Variants in UGT2A1 observed in about 807,000 individuals in gnomAD.
UGT2A1 encodes the protein UDP-glucuronosyltransferase 2A1.
UGT2A1 carries 61 observed loss-of-function variants against 45.4 expected under a neutral mutation model. The ratio of observed to expected loss-of-function variants is 1.34; its 90% confidence interval spans 1.09 to 1.66. The LOEUF is 1.66. Ranked by LOEUF, UGT2A1 falls within the 40% of genes most tolerant of loss-of-function variation. UGT2A1 has a pLI of 0.00. For missense variants in UGT2A1, 649 were observed against 574.3 expected (o/e 1.13, Z -1.33); for synonymous variants, 229 against 196.2 (o/e 1.17, Z -1.40).
chr4:69,641,033 G>C (rs1722024147), intron 2 of UGT2A1, among the ~76,000 whole-genome samples: 1 of 151,798 alleles, frequency 6.6e-6, no homozygotes, highest in Non-Finnish European at 1.5e-5. Flanking sequence ...ACTTAGATTT[G>C]TTCAAATATT....
At chr4:69,634,701 G>T (rs764949301) in intron 3 of UGT2A1, among the ~76,000 whole-genome samples, 3 of 152,038 alleles carry the variant, frequency 2.0e-5, no homozygotes, top group Non-Finnish European at 4.4e-5. Context: ...AAAAACATTT[G>T]ATAAAATTCA....
At chr4:69,597,805 G>A (rs1719026403) in intron 4 of UGT2A1, among the ~76,000 whole-genome samples, 1 of 151,818 alleles carries the variant, frequency 6.6e-6, no homozygotes, top group Admixed American at 6.6e-5. Flanking sequence ...ACAGTCTCTT[G>A]TTGTTTTTGT....
intron 3 of UGT2A1, among the ~76,000 whole-genome samples, chr4:69,633,983 C>T (rs750036957): frequency 1.3e-5 from 2 of 152,106 alleles, no homozygotes; most frequent in Admixed American, 6.6e-5. Context: ...CGGTGGCTCA[C>T]GCCTGTAATC....
At position 69,594,657 on chromosome 4, in the gene UGT2A1, G is replaced by T. The variant is rs753479122; in HGVS notation, c.1124C>A (p.Thr375Asn). ...KTKAFITHGG[T>N]NGIYEAIYHG... is the part of the protein sequence containing the mutation. ...GTAAATAGCTTCGTAGATCCCATTA[G>T]TTCCACCATGAGTGATAAAAGCTTT... Residue 375 changes from threonine (T) to asparagine (N), a missense_variant, in exon 6 of 7, where the codon ACT becomes AAT. Transcript: ENST00000286604. 6.2e-7 allele frequency: 1 copy of T among 1,614,074 alleles called. No individual in the cohort carries two copies. The highest frequency in any genetic ancestry group is 1.1e-5 in the South Asian group (1 of 91,078).
Position 69,647,206 on chromosome 4 carries a change from G to A in UGT2A1, c.439C>T (p.Leu147=), listed in dbSNP as rs757228061. 59 of 1,613,142 alleles carry A rather than the reference G, an allele frequency of 3.7e-5. No individual in the cohort carries two copies. Among genetic ancestry groups the A allele is most frequent in the Non-Finnish European group, 4.7e-5 (56 of 1,179,452 alleles). Reference sequence around the variant, plus strand: ...CAAGGAAATACTGGATCAGACACCAGGACTTCAAACTTGCTTTTCTTTAGC... The same window carrying A: ...CAAGGAAATACTGGATCAGACACCAAGACTTCAAACTTGCTTTTCTTTAGC... ...AKLKKSKFEV[L]VSDPVFPCGD... The change falls in exon 2 of 7, where the codon CTG becomes TTG. Residue 147 remains leucine (L), a synonymous_variant. Coordinates refer to ENST00000286604, the MANE Select transcript of UGT2A1 (RefSeq NM_001252275.3).
intron 3 of UGT2A1, among the ~76,000 whole-genome samples, chr4:69,632,885 CAAA>C (rs199639033): frequency 1.3e-4 from 11 of 87,524 alleles, no homozygotes; most frequent in Admixed American, 1.2e-4. Context: ...AAGACTCGGT[CAAA>C]AAAAAAAAAA....
intron 3 of UGT2A1, among the ~76,000 whole-genome samples, chr4:69,611,498 T>C (rs1488553550): frequency 6.6e-6 from 1 of 151,954 alleles, no homozygotes; most frequent in East Asian, 1.9e-4. Context: ...TCATAATATA[T>C]TATGAAATAC....
At chr4:69,623,166 T>C (rs1720848680) in intron 3 of UGT2A1, among the ~76,000 whole-genome samples, 1 of 151,838 alleles carries the variant, frequency 6.6e-6, no homozygotes, top group Non-Finnish European at 1.5e-5. Flanking sequence ...GTCCATCCTC[T>C]TCCATCTGTT....
intron 3 of UGT2A1, among the ~76,000 whole-genome samples, chr4:69,627,100 A>G (rs1398056221): frequency 1.8e-4 from 27 of 151,912 alleles, no homozygotes; most frequent in Non-Finnish European, 3.1e-4. Context: ...TTCAATGGAC[A>G]AAGAGAGAAA....
chr4:69,621,591 G>A (rs1416828345), intron 3 of UGT2A1, among the ~76,000 whole-genome samples: 1 of 151,766 alleles, frequency 6.6e-6, no homozygotes, highest in African/African-American at 2.4e-5. Flanking sequence ...AAAGCAGTGT[G>A]GTGATTCCTC....
chr4:69,607,217 A>AGCAT (rs1235323614), intron 3 of UGT2A1, among the ~76,000 whole-genome samples: 5 of 150,542 alleles, frequency 3.3e-5, no homozygotes, highest in African/African-American at 7.4e-5. Flanking sequence ...GTACCAAAAC[A>AGCAT]GAGATAAAGA....
intron 2 of UGT2A1, among the ~76,000 whole-genome samples, chr4:69,645,086 C>T (rs1183030900): frequency 6.6e-6 from 1 of 151,704 alleles, no homozygotes; most frequent in African/African-American, 2.4e-5. Flanking sequence ...AGCTAGTAAA[C>T]ATCTCTAGGC....
intron 3 of UGT2A1, among the ~76,000 whole-genome samples, chr4:69,605,824 A>G (rs1719574216): frequency 7.3e-6 from 1 of 137,502 alleles, no homozygotes; most frequent in Admixed American, 7.1e-5. Context: ...AAAATCTAAA[A>G]GAAATGAATA....
intron 3 of UGT2A1, among the ~76,000 whole-genome samples, chr4:69,623,421 A>G (rs28716091): frequency 0.35 from 53,284 of 151,632 alleles, 9,728 homozygotes; most frequent in African/African-American, 0.43. Flanking sequence ...ATAAAATGGG[A>G]TAGGGAAAAG....
intron 3 of UGT2A1, among the ~76,000 whole-genome samples, chr4:69,625,425 T>TTTTGTTTA (rs1459414132): frequency 2.0e-5 from 3 of 151,222 alleles, no homozygotes; most frequent in Non-Finnish European, 4.4e-5. Context: ...TGTTAGGATG[T>TTTTGTTTA]TTTGTTTATT....
intron 2 of UGT2A1, chr4:69,639,466 C>T (rs375839007): frequency 5.6e-6 from 9 of 1,613,116 alleles, no homozygotes; most frequent in Non-Finnish European, 6.8e-6. Flanking sequence ...AGTACAGTCA[C>T]ATTGTGATTT....
rs145727607 is a variant in UGT2A1 at position 69,609,378 on chromosome 4, G to T, written c.848-9984C>A. ...CAGTTTTAATTTTTTGTTTGTTTGT[G>T]TTGTAGAGATGATGTCTCTCTCTGT... is the stretch of plus-strand genomic sequence containing the variant. On this transcript the variant is annotated intron_variant, in intron 3 of 6. Transcript: ENST00000286604. Among the ~76,000 whole-genome samples the T allele has an allele frequency of 5.2e-3, 781 of 151,642 alleles. 10 individuals are homozygous for T. The highest frequency in any genetic ancestry group is 0.017 in the African/African-American group (714 of 41,358).
At chr4:69,644,693 C>T (rs1366906040) in intron 2 of UGT2A1, among the ~76,000 whole-genome samples, 3 of 144,890 alleles carry the variant, frequency 2.1e-5, no homozygotes, top group Non-Finnish European at 4.4e-5. Context: ...ATAGCTAGCT[C>T]TTCTTTTACA....
intron 3 of UGT2A1, among the ~76,000 whole-genome samples, chr4:69,620,623 T>TA (rs1720694875): frequency 7.9e-6 from 1 of 126,084 alleles, no homozygotes. Flanking sequence ...GAATTAGAAA[T>TA]AAAAAACTAT....
Sources: gnomAD v4.1 joint callset for allele counts (sites outside exome capture counted in the v4.1 genomes callset) on GRCh38, gnomAD v4.1.1 for gene constraint, MANE v1.5 for transcripts, NCBI Gene and HGNC (gene_info 2026-07-23, HGNC 2026-07-21) for gene names.